The following SHPK variants were observed in gnomAD, a reference collection of about 807,000 sequenced individuals.
SHPK encodes the protein sedoheptulokinase, also known as carbohydrate kinase-like protein.
Under a neutral mutation model 46.3 loss-of-function variants are expected in SHPK, and 51 were observed. The observed-to-expected ratio is 1.10, with a 90% CI of 0.88 to 1.39. SHPK has a LOEUF of 1.39. Among genes scored for constraint, SHPK ranks in the 40% most tolerant of loss-of-function variants. SHPK has a pLI of 0.00. For synonymous variants in SHPK, 290 were observed against 273.9 expected, an observed-to-expected ratio of 1.06 and a Z score of -0.58; for missense variants, 668 against 641.3, an observed-to-expected ratio of 1.04 and a Z score of -0.45.
intron 5 of SHPK, among the ~76,000 whole-genome samples, chr17:3,620,977 G>A (rs1163739242): frequency 6.6e-6 from 1 of 152,188 alleles, no homozygotes. Flanking sequence ...AGAAAGAGCC[G>A]TTTCTCTCAC....
intron 5 of SHPK, among the ~76,000 whole-genome samples, chr17:3,618,773 C>G (rs2075382331): frequency 6.7e-6 from 1 of 150,164 alleles, no homozygotes; most frequent in Non-Finnish European, 1.5e-5. Flanking sequence ...GAACAAGACT[C>G]CATCTCAAAA....
intron 3 of SHPK, 102 bp from the exon 4 acceptor site, chr17:3,623,593 G>A (rs2075415679): frequency 8.3e-7 from 1 of 1,203,338 alleles, no homozygotes; most frequent in Non-Finnish European, 1.2e-6. Context: ...CCATGGCCAG[G>A]TGGCAGCCAC....
At position 3,630,253 on chromosome 17, in the gene SHPK, C is replaced by T. The variant is rs117791933; in HGVS notation, c.262G>A (p.Gly88Arg). 116 of 1,613,704 alleles carry T rather than the reference C, an allele frequency of 7.2e-5. No homozygotes were observed. The East Asian group carries it at 1.9e-3, about 27-fold the overall frequency. ...ACTCCATGCATCTGGCCCGACACCC[C>T]GATGCCCACGACGCTCCGGAGCTGG... ...RPQLRSVVGI[G>R]VSGQMHGVVF... The change falls in exon 2 of 7, where the codon GGG becomes AGG. Residue 88 changes from glycine (G) to arginine (R), a missense_variant. Gly to Arg is a moderately radical substitution (Grantham distance 125). Transcript: ENST00000225519.
At chr17:3,628,138 G>T (rs1437585277) in intron 2 of SHPK, among the ~76,000 whole-genome samples, 1 of 152,108 alleles carries the variant, frequency 6.6e-6, no homozygotes, top group Non-Finnish European at 1.5e-5. Flanking sequence ...GACTCTCCAT[G>T]TAGAGAGGGA....
chr17:3,610,774 TG>T lies in SHPK; in HGVS notation c.1222del (p.Gln408ArgfsTer20), dbSNP rs780415949. 2 of 1,614,140 alleles carry T rather than the reference TG, an allele frequency of 1.2e-6. No homozygotes were observed. The highest frequency in any genetic ancestry group is 2.2e-5 in the South Asian group (2 of 91,080). On this transcript the variant is annotated frameshift_variant, in exon 7 of 7. Transcript: ENST00000225519. LOFTEE classifies it high-confidence loss of function. ...AATCGGAAGCATGGAGTGCAGGTTC[TG>T]AACAATGCCTCGGCACAGAGCCCGG... ...VTRALCRGIV[Q>X]NLHSMLPIQQ...
intron 1 of SHPK, among the ~76,000 whole-genome samples, chr17:3,631,035 TG>T (rs2075467923): frequency 6.6e-6 from 1 of 152,106 alleles, no homozygotes; most frequent in Non-Finnish European, 1.5e-5. Flanking sequence ...CCGGGAGTGC[TG>T]TCTTCCCCTC....
intron 6 of SHPK, among the ~76,000 whole-genome samples, chr17:3,611,848 G>A (rs2075342226): frequency 7.0e-6 from 1 of 143,058 alleles, no homozygotes; most frequent in East Asian, 2.1e-4. Context: ...CACCCAGGCT[G>A]GAGTGCAGTG....
intron 6 of SHPK, among the ~76,000 whole-genome samples, 185 bp from the exon 7 acceptor site, chr17:3,611,157 C>T (rs1054921561): frequency 1.3e-5 from 2 of 152,212 alleles, no homozygotes; most frequent in Non-Finnish European, 2.9e-5. Flanking sequence ...GATCCCCGCC[C>T]GCTGTCTCAG....
chr17:3,615,210 G>T, intron 6 of SHPK, 127 bp downstream of exon 6: 1 of 830,874 alleles, frequency 1.2e-6, no homozygotes, highest in Admixed American at 2.3e-5. Flanking sequence ...AAATATGCCA[G>T]GACCTGGCAG....
At chr17:3,635,602 G>C (rs2075515453) in intron 1 of SHPK, among the ~76,000 whole-genome samples, 2 of 152,208 alleles carry the variant, frequency 1.3e-5, no homozygotes, top group South Asian at 4.1e-4. Context: ...GGCCTGATTT[G>C]ACATCTGATT....
chr17:3,630,188 C>T lies in SHPK; in HGVS notation c.310+17G>A. 6.2e-7 allele frequency: 1 copy of T among 1,613,896 alleles called. No homozygotes were observed. The highest frequency in any genetic ancestry group is 8.5e-7 in the Non-Finnish European group (1 of 1,179,986). On this transcript the variant is annotated intron_variant, in intron 2 of 6. Coordinates refer to ENST00000225519, the MANE Select transcript of SHPK (RefSeq NM_013276.4). ...GTGACTGCTACCAGCCTGAGAGCAT[C>T]CCCGAGCCCAGCATACCTTGGCCTG...
rs2075329376 is a variant in SHPK at position 3,610,426 on chromosome 17, A to G, written c.*134T>C. The G allele has an allele frequency of 2.1e-6, 2 of 945,194 alleles. No individual in the cohort carries two copies. Among genetic ancestry groups the G allele is most frequent in the East Asian group, 4.9e-5 (2 of 41,104 alleles). The allele number at this position is 945,194 out of a possible 1,614,324, so 58.6% of individuals were successfully genotyped here. A position where few individuals can be genotyped will look rare whatever the true frequency, so the allele number is the denominator to read the frequency against. ...TGTTCTGAAGGTAAGTTCTTGGCCG[A>G]GATGGGACCTCACAACAAGCACTGC... On this transcript the variant is annotated 3_prime_UTR_variant, in exon 7 of 7. Transcript: ENST00000225519.
Position 3,609,825 on chromosome 17 carries a change from T to C in SHPK, c.*735A>G, listed in dbSNP as rs1463671210. ...CAGCATCGGTCCCCCTTGCTGCTCA[T>C]GCCATCCGCCTCTCCTTCTCGCAAC... is the stretch of plus-strand genomic sequence containing the variant. On this transcript the variant is annotated 3_prime_UTR_variant, in exon 7 of 7. Transcript: ENST00000225519. The C allele has an allele frequency of 1.3e-5, 2 of 152,730 alleles. No homozygotes were observed. The highest frequency in any genetic ancestry group is 2.1e-4 in the South Asian group (1 of 4,834). 9.5% of individuals were successfully genotyped at this position (152,730 alleles called of 1,614,324 possible).
At position 3,625,371 on chromosome 17, in the gene SHPK, G is replaced by A. The variant is rs559543544; in HGVS notation, c.311-1140C>T. On this transcript the variant is annotated intron_variant, in intron 2 of 6. Coordinates refer to ENST00000225519, the MANE Select transcript of SHPK (RefSeq NM_013276.4). ...CACATCTTGGGACTCCCAAGGCTAG[G>A]TCATAAGAAGTACTGCAGCTCCCGC... Among the ~76,000 whole-genome samples the A allele has an allele frequency of 1.4e-4, 21 of 152,282 alleles. 1 individual carries two copies. The South Asian group carries it at 1.5e-3, about 11-fold the overall frequency.
intron 5 of SHPK, among the ~76,000 whole-genome samples, chr17:3,618,623 T>C (rs1218738908): frequency 6.6e-6 from 1 of 151,976 alleles, no homozygotes; most frequent in Non-Finnish European, 1.5e-5. Flanking sequence ...CTACTAAAAA[T>C]ACAAAAATTA....
At position 3,615,501 on chromosome 17, in the gene SHPK, G is replaced by A. The variant is rs2075367041; in HGVS notation, c.860C>T (p.Ser287Phe). Residue 287 changes from serine (S) to phenylalanine (F), a missense_variant, in exon 6 of 7, where the codon TCC becomes TTC. Transcript: ENST00000225519. ...NISTSVQLAA[S>F]MPSGFQPAQT... Reference sequence around the variant, plus strand: ...TGCAGGCTGGAATCCTGAAGGCATGGAGGCTGCCAGCTGAACCGAGGTGCT... The same window carrying A: ...TGCAGGCTGGAATCCTGAAGGCATGAAGGCTGCCAGCTGAACCGAGGTGCT... 1.2e-6 allele frequency: 2 copies of A among 1,614,126 alleles called. No homozygotes were observed. Among genetic ancestry groups the A allele is most frequent in the African/African-American group, 1.3e-5 (1 of 74,934 alleles).
chr17:3,630,496 CAA>C, intron 1 of SHPK, 150 bp from the exon 2 acceptor site: 6 of 790,018 alleles, frequency 7.6e-6, no homozygotes, highest in Non-Finnish European at 9.8e-6. Flanking sequence ...TGAGTTGCAG[CAA>C]ACTGCCTGGG....
chr17:3,635,254 G>GGAAGGGAGGGAAGGAA (rs2075509558), intron 1 of SHPK, among the ~76,000 whole-genome samples: 1 of 150,162 alleles, frequency 6.7e-6, no homozygotes, highest in Non-Finnish European at 1.5e-5. Context: ...AGGGAAGGAA[G>GGAAGGGAGGGAAGGAA]GGAAGGAGTC....
At chr17:3,635,985 C>T in intron 1 of SHPK, 67 bp downstream of exon 1, 1 of 1,447,788 alleles carries the variant, frequency 6.9e-7, no homozygotes, top group East Asian at 2.6e-5. Context: ...TCAGGGAGGC[C>T]TCCTGGGGTG....
Sources: gnomAD v4.1 joint callset for allele counts (sites outside exome capture counted in the v4.1 genomes callset) on GRCh38, gnomAD v4.1.1 for gene constraint, MANE v1.5 for transcripts, NCBI Gene and HGNC (gene_info 2026-07-23, HGNC 2026-07-21) for gene names.